ZSWIM5: variants seen among roughly 807,000 people sequenced by gnomAD.
The protein encoded by ZSWIM5 is zinc finger SWIM-type containing 5, also known as zinc finger SWIM domain-containing protein 5.
ZSWIM5 carries 55 observed loss-of-function variants against 119.6 expected under a neutral mutation model. That is an observed-to-expected ratio of 0.46 (90% CI 0.37 to 0.58). The LOEUF (loss-of-function observed/expected upper bound fraction) is 0.58, where lower values mean the gene tolerates loss of function less well. ZSWIM5 is among the 20% of genes least tolerant of loss of function. The pLI, the probability that ZSWIM5 is intolerant of heterozygous loss-of-function variation, is 0.00. For synonymous variants in ZSWIM5, 537 were observed against 606.9 expected, an observed-to-expected ratio of 0.88 and a Z score of 1.69; for missense variants, 1,193 against 1,512.8, an observed-to-expected ratio of 0.79 and a Z score of 3.51.
At chr1:45,155,073 A>C (rs1645819175) in intron 1 of ZSWIM5, among the ~76,000 whole-genome samples, 1 of 152,190 alleles carries the variant, frequency 6.6e-6, no homozygotes, top group Non-Finnish European at 1.5e-5. Context: ...TTTGCACAGC[A>C]AAAGAAACAG....
chr1:45,088,179 A>C lies in ZSWIM5; in HGVS notation c.654T>G (p.Thr218=). 1 of 1,614,136 alleles carries C rather than the reference A, an allele frequency of 6.2e-7. No homozygotes were observed. Among genetic ancestry groups the C allele is most frequent in the Non-Finnish European group, 8.5e-7 (1 of 1,179,990 alleles). The change falls in exon 2 of 14, where the codon ACT becomes ACG. Residue 218 remains threonine (T), a synonymous_variant. Coordinates refer to ENST00000359600, the MANE Select transcript of ZSWIM5 (RefSeq NM_020883.2). The surrounding 1 kb of genome is among the most constrained non-coding windows in gnomAD (Gnocchi z 4.2). ...GATCAAAACTGATTGCAACTTTATA[A>C]GTCACTGCTGGTTCAGAGGCAGTGG... The part of the protein sequence containing the change: ...ELATASEPAV[T]YKVAISFDRC...
At chr1:45,082,576 G>A (rs1003294091) in intron 2 of ZSWIM5, among the ~76,000 whole-genome samples, 5 of 152,136 alleles carry the variant, frequency 3.3e-5, no homozygotes, top group Non-Finnish European at 5.9e-5. Flanking sequence ...TCTCTGTGAT[G>A]TCTCCCCTTT....
Position 45,019,336 on chromosome 1 carries a change from C to A in ZSWIM5, c.2696-20G>T, listed in dbSNP as rs1263138507. The A allele has an allele frequency of 6.3e-7, 1 of 1,596,378 alleles. No individual in the cohort carries two copies. The highest frequency in any genetic ancestry group is 1.3e-5 in the African/African-American group (1 of 74,726). On this transcript the variant is annotated intron_variant, in intron 13 of 13. Transcript: ENST00000359600. The surrounding 1 kb of genome is among the most constrained non-coding windows in gnomAD (Gnocchi z 5.0). ...GCACACCTGTCAGGGGGAGCCTGAG[C>A]TCAGCCGTGGCCATCTGGGTCCTGA...
chr1:45,159,540 GT>G (rs1344431358), intron 1 of ZSWIM5, among the ~76,000 whole-genome samples: 1 of 151,980 alleles, frequency 6.6e-6, no homozygotes, highest in Admixed American at 6.6e-5. Context: ...TCTATGACTA[GT>G]TTGGACTTCA....
chr1:45,087,678 AC>A (rs1645339265), intron 2 of ZSWIM5, among the ~76,000 whole-genome samples: 1 of 152,212 alleles, frequency 6.6e-6, no homozygotes, highest in African/African-American at 2.4e-5. Flanking sequence ...TTTGAGATAC[AC>A]AGTTGGACTG....
At chr1:45,071,454 C>CTTTTTTTTTTTTTTTTTTTTT (rs58028758) in intron 2 of ZSWIM5, among the ~76,000 whole-genome samples, 1 of 93,754 alleles carries the variant, frequency 1.1e-5, no homozygotes, top group Non-Finnish European at 2.0e-5. Context: ...GACAGAATCT[C>CTTTTTTTTTTTTTTTTTTTTT]TTTTTTTTTT....
chr1:45,173,615 A>G (rs1260434785), intron 1 of ZSWIM5, among the ~76,000 whole-genome samples: 1 of 152,116 alleles, frequency 6.6e-6, no homozygotes, highest in Non-Finnish European at 1.5e-5. Context: ...CCACATAACT[A>G]TATAAATTTG....
intron 1 of ZSWIM5, among the ~76,000 whole-genome samples, chr1:45,149,696 A>C (rs1645784600): frequency 6.6e-6 from 1 of 152,222 alleles, no homozygotes; most frequent in African/African-American, 2.4e-5. Flanking sequence ...TCCACATGGA[A>C]GTACAGAACA....
chr1:45,028,968 T>A (rs1644936483), intron 11 of ZSWIM5, among the ~76,000 whole-genome samples: 1 of 152,114 alleles, frequency 6.6e-6, no homozygotes, highest in Admixed American at 6.5e-5. Flanking sequence ...TAATTTTACT[T>A]ACAGAAAAGT....
intron 2 of ZSWIM5, among the ~76,000 whole-genome samples, chr1:45,073,558 C>T (rs952575323): frequency 7.3e-5 from 11 of 151,692 alleles, no homozygotes; most frequent in African/African-American, 2.7e-4. Flanking sequence ...TGCGCCCGGC[C>T]TGCTGATTTT....
chr1:45,115,202 A>G (rs903605235), intron 1 of ZSWIM5, among the ~76,000 whole-genome samples: 6 of 152,164 alleles, frequency 3.9e-5, no homozygotes, highest in African/African-American at 1.4e-4. Flanking sequence ...GGGGCTCCTC[A>G]CTTCCCAGAT....
chr1:45,195,377 C>CT (rs1028503293), intron 1 of ZSWIM5, among the ~76,000 whole-genome samples: 1 of 151,494 alleles, frequency 6.6e-6, no homozygotes, highest in Non-Finnish European at 1.5e-5. Context: ...AGCTGGGACT[C>CT]TAAGTGTGTG....
intron 1 of ZSWIM5, among the ~76,000 whole-genome samples, chr1:45,144,431 A>G (rs1228209968): frequency 1.3e-5 from 2 of 151,644 alleles, no homozygotes; most frequent in Non-Finnish European, 2.9e-5. Flanking sequence ...GCTCCTTGGG[A>G]GGTTGAGACA....
At chr1:45,066,158 C>T (rs1302418442) in intron 2 of ZSWIM5, among the ~76,000 whole-genome samples, 1 of 151,836 alleles carries the variant, frequency 6.6e-6, no homozygotes, top group Non-Finnish European at 1.5e-5. Flanking sequence ...TGATGGTTTC[C>T]AGTTTCATCC....
At chr1:45,036,651 G>T (rs189453366) in intron 8 of ZSWIM5, among the ~76,000 whole-genome samples, 2 of 151,754 alleles carry the variant, frequency 1.3e-5, no homozygotes, top group Non-Finnish European at 2.9e-5. Flanking sequence ...CACCGTATTC[G>T]GCCTAGTCTT....
intron 1 of ZSWIM5, among the ~76,000 whole-genome samples, chr1:45,121,960 T>C (rs1645595997): frequency 6.6e-6 from 1 of 152,188 alleles, no homozygotes; most frequent in Non-Finnish European, 1.5e-5. Flanking sequence ...TTAATCTCTC[T>C]TAAACAGTTC....
intron 1 of ZSWIM5, among the ~76,000 whole-genome samples, chr1:45,160,349 T>C (rs1391734888): frequency 1.3e-5 from 2 of 152,206 alleles, no homozygotes; most frequent in African/African-American, 2.4e-5. Context: ...CAATACATTG[T>C]TGCTAACTAT....
chr1:45,082,737 T>C (rs568564265), intron 2 of ZSWIM5, among the ~76,000 whole-genome samples: 49 of 152,344 alleles, frequency 3.2e-4, no homozygotes, highest in Middle Eastern at 3.4e-3. Flanking sequence ...GAGAATCACA[T>C]CTCAAGTTGA....
chr1:45,162,370 A>T (rs182759653), intron 1 of ZSWIM5, among the ~76,000 whole-genome samples: 1 of 152,346 alleles, frequency 6.6e-6, no homozygotes, highest in African/African-American at 2.4e-5. Context: ...AAGATGGCCG[A>T]ATAGGAACAG....
Sources: allele counts gnomAD v4.1 joint callset (sites outside exome capture counted in the v4.1 genomes callset), GRCh38; gene constraint gnomAD v4.1.1; non-coding constraint Gnocchi (gnomAD v3.1); transcripts MANE v1.5; gene names NCBI Gene and HGNC (gene_info 2026-07-23, HGNC 2026-07-21).